PTPRT: variants seen among roughly 807,000 people sequenced by gnomAD.
PTPRT encodes the protein receptor-type tyrosine-protein phosphatase T.
PTPRT carries 56 observed loss-of-function variants against 176.8 expected under a neutral mutation model. The ratio of observed to expected loss-of-function variants is 0.32; its 90% CI spans 0.26 to 0.40. The LOEUF is 0.40. Among genes scored for constraint, PTPRT ranks in the 10% least tolerant of loss-of-function variants. PTPRT has a pLI of 1.00. For synonymous variants in PTPRT, 783 were observed against 739.0 expected (o/e 1.06, Z -0.96); for missense variants, 1,540 against 1,908.2 (o/e 0.81, Z 3.60).
chr20:42,999,768 C>T (rs561040094), intron 1 of PTPRT, among the ~76,000 whole-genome samples: 1 of 151,884 alleles, frequency 6.6e-6, no homozygotes, highest in African/African-American at 2.4e-5. Flanking sequence ...AATTGAGCCA[C>T]GGCACTCCAA....
In PTPRT at chr20:42,572,863, GT is replaced by G. The variant is rs2073181075; in HGVS notation, c.1154-100302del. Reference sequence around the variant, plus strand: ...CAGAAGCTCACCCATACCTCTTCCAGTTACTAAGTCCCCTAAGGCAATGCCT... The same window carrying G: ...CAGAAGCTCACCCATACCTCTTCCAGTACTAAGTCCCCTAAGGCAATGCCT... On this transcript the variant is annotated intron_variant, in intron 7 of 30. Transcript: ENST00000373187. 2.0e-5 allele frequency among the ~76,000 whole-genome samples: 3 copies of G among 148,830 alleles called. No individual in the cohort carries two copies. In the South Asian group the frequency reaches 6.4e-4, roughly 32 times the overall value.
At chr20:42,464,224 G>C (rs2071067964) in intron 8 of PTPRT, among the ~76,000 whole-genome samples, 1 of 152,188 alleles carries the variant, frequency 6.6e-6, no homozygotes, top group Non-Finnish European at 1.5e-5. Context: ...GAACTTTTAT[G>C]TGGAATGGTC....
intron 3 of PTPRT, among the ~76,000 whole-genome samples, chr20:42,785,782 A>T (rs1361682100): frequency 1.3e-5 from 2 of 152,160 alleles, no homozygotes; most frequent in Non-Finnish European, 2.9e-5. Context: ...TATTTCTTTT[A>T]AAAAGGCTTC....
At chr20:42,632,841 C>T (rs779699329) in intron 7 of PTPRT, among the ~76,000 whole-genome samples, 44 of 152,032 alleles carry the variant, frequency 2.9e-4, no homozygotes, top group Non-Finnish European at 5.3e-4. Context: ...TAAGAGCAGC[C>T]TGCTAGCTGT....
At chr20:42,285,557 T>G (rs1337662980) in intron 12 of PTPRT, among the ~76,000 whole-genome samples, 2 of 151,972 alleles carry the variant, frequency 1.3e-5, no homozygotes, top group South Asian at 4.1e-4. Flanking sequence ...AGCTTTATAT[T>G]CAATGATGTT....
chr20:42,944,376 C>T (rs1011525126), intron 1 of PTPRT, among the ~76,000 whole-genome samples: 14 of 152,176 alleles, frequency 9.2e-5, no homozygotes. Flanking sequence ...CGTTCTTCCT[C>T]CCAATAGCAG....
chr20:42,919,195 C>G (rs983687095), intron 1 of PTPRT, among the ~76,000 whole-genome samples: 2 of 152,192 alleles, frequency 1.3e-5, no homozygotes, highest in African/African-American at 2.4e-5. Context: ...AAAGGGACAC[C>G]CATTTATTTG....
At chr20:42,211,602 A>G (rs1271734066) in intron 15 of PTPRT, among the ~76,000 whole-genome samples, 9 of 148,636 alleles carry the variant, frequency 6.1e-5, no homozygotes, top group Non-Finnish European at 1.2e-4. Context: ...ATGAGATACC[A>G]TCTCACACCA....
At chr20:43,139,912 T>C (rs1254396003) in intron 1 of PTPRT, among the ~76,000 whole-genome samples, 1 of 152,208 alleles carries the variant, frequency 6.6e-6, no homozygotes, top group African/African-American at 2.4e-5. Context: ...CCAAGGGACT[T>C]ACCACAAAAC....
intron 1 of PTPRT, among the ~76,000 whole-genome samples, chr20:42,896,635 CAAAAAAA>C (rs58679220): frequency 1.1e-4 from 8 of 72,330 alleles, no homozygotes; most frequent in Admixed American, 2.8e-4. Context: ...AACTCCGTCT[CAAAAAAA>C]AAAAAAAAAA....
intron 2 of PTPRT, among the ~76,000 whole-genome samples, chr20:42,839,048 C>G (rs1338180099): frequency 1.3e-5 from 2 of 152,070 alleles, no homozygotes; most frequent in Non-Finnish European, 2.9e-5. Context: ...ACTATGACCT[C>G]CTAGAGGCCA....
chr20:42,566,285 A>G (rs2145669020), intron 7 of PTPRT, among the ~76,000 whole-genome samples: 1 of 152,078 alleles, frequency 6.6e-6, no homozygotes, highest in Middle Eastern at 3.4e-3. Context: ...ACGTGTGTGC[A>G]GCACCATGCC....
At chr20:42,928,334 A>T (rs536686115) in intron 1 of PTPRT, among the ~76,000 whole-genome samples, 1 of 152,378 alleles carries the variant, frequency 6.6e-6, no homozygotes, top group African/African-American at 2.4e-5. Flanking sequence ...AGAGGGGCAG[A>T]GGGAGGGGAC....
chr20:42,179,052 T>C (rs760764741), intron 16 of PTPRT, among the ~76,000 whole-genome samples: 2 of 152,194 alleles, frequency 1.3e-5, no homozygotes, highest in Non-Finnish European at 2.9e-5. Flanking sequence ...AAGGGCGTTA[T>C]ATAAGAATGT....
intron 1 of PTPRT, among the ~76,000 whole-genome samples, chr20:42,916,846 A>G (rs1467974991): frequency 6.6e-6 from 1 of 152,112 alleles, no homozygotes; most frequent in African/African-American, 2.4e-5. Context: ...AGCTCATTGT[A>G]GATTCTGGAT....
At chr20:43,009,351 C>A (rs1466418813) in intron 1 of PTPRT, among the ~76,000 whole-genome samples, 1 of 152,184 alleles carries the variant, frequency 6.6e-6, no homozygotes, top group Non-Finnish European at 1.5e-5. Context: ...CAGGAGGCAG[C>A]CCTCATCCTT....
chr20:42,624,113 G>T (rs779800510), intron 7 of PTPRT, among the ~76,000 whole-genome samples: 3 of 152,000 alleles, frequency 2.0e-5, no homozygotes, highest in Non-Finnish European at 4.4e-5. Context: ...GTGCTGGGGT[G>T]AACACTGTCA....
chr20:42,749,883 C>T (rs1378201284), intron 6 of PTPRT, among the ~76,000 whole-genome samples: 2 of 152,134 alleles, frequency 1.3e-5, no homozygotes, highest in Non-Finnish European at 2.9e-5. Context: ...AAAACGGGAC[C>T]AGCCAGGACA....
chr20:42,340,180 A>C (rs1490779249), intron 11 of PTPRT, among the ~76,000 whole-genome samples: 2 of 152,194 alleles, frequency 1.3e-5, no homozygotes, highest in Non-Finnish European at 2.9e-5. Context: ...AATTTTACTT[A>C]ATTTTAACTA....
Sources: allele counts gnomAD v4.1 joint callset (sites outside exome capture counted in the v4.1 genomes callset), GRCh38; gene constraint gnomAD v4.1.1; transcripts MANE v1.5; gene names NCBI Gene and HGNC (gene_info 2026-07-23, HGNC 2026-07-21).